Variants in STRN observed in about 807,000 individuals in gnomAD.
The protein encoded by STRN is striatin, also known as protein phosphatase 2 regulatory subunit B'''alpha.
In STRN, 53 loss-of-function variants were observed where a neutral mutation model predicts 96.3. The observed-to-expected ratio is 0.55, with a 90% confidence interval of 0.44 to 0.69. The LOEUF (loss-of-function observed/expected upper bound fraction) is 0.69, where lower values mean the gene tolerates loss of function less well. STRN is among the 30% of genes least tolerant of loss of function. The probability of loss-of-function intolerance (pLI) is 0.00; values close to 1 mark genes in which losing one functional copy is unlikely to be tolerated. For synonymous variants in STRN, 428 were observed against 355.9 expected (o/e 1.20, Z -2.28); for missense variants, 987 against 963.9 (o/e 1.02, Z -0.32).
intron 1 of STRN, among the ~76,000 whole-genome samples, chr2:36,960,694 A>C (rs1665008557): frequency 6.6e-6 from 1 of 152,220 alleles, no homozygotes. Context: ...CGTAAAATAC[A>C]ATAGTAAGTT....
Position 36,867,911 on chromosome 2 carries a change from T to A in STRN, c.1500-50A>T, listed in dbSNP as rs773425610. The A allele has an allele frequency of 5.1e-6, 7 of 1,373,014 alleles. No homozygotes were observed. In the Admixed American group the frequency reaches 9.1e-5, roughly 18 times the overall value. The allele number at this position is 1,373,014 out of a possible 1,614,324, so 85.1% of individuals were successfully genotyped here. A position where few individuals can be genotyped will look rare whatever the true frequency, so the allele number is the denominator to read the frequency against. ...CCATTCTAAGTGTCAGTAAACAGTA[T>A]AATTAAACATATGTCATAAAATTGT... On this transcript the variant is annotated intron_variant, in intron 11 of 17. Coordinates refer to ENST00000263918, the MANE Select transcript of STRN (RefSeq NM_003162.4).
chr2:36,869,913 G>C (rs887103580), intron 10 of STRN, among the ~76,000 whole-genome samples, 184 bp from the exon 11 acceptor site: 2 of 151,936 alleles, frequency 1.3e-5, no homozygotes, highest in Admixed American at 6.6e-5. Context: ...CCCAACACTA[G>C]TTTTCTTTGA....
intron 1 of STRN, among the ~76,000 whole-genome samples, chr2:36,965,445 T>A (rs1665135282): frequency 6.6e-6 from 1 of 152,238 alleles, no homozygotes; most frequent in South Asian, 2.1e-4. Flanking sequence ...CAAGGCAATG[T>A]AACTAACTTC....
Position 36,849,140 on chromosome 2 carries a change from C to A in STRN, c.*316G>T, listed in dbSNP as rs755440938. On this transcript the variant is annotated 3_prime_UTR_variant, in exon 18 of 18. Transcript: ENST00000263918. ...ATTGTAGCATGCCCTACTTACTCAA[C>A]AGGGACAAGCTAAACTTGTATTCGC... The A allele has an allele frequency of 1.1e-4, 30 of 263,092 alleles. No homozygotes were observed. The highest frequency in any genetic ancestry group is 1.8e-4 in the Non-Finnish European group (25 of 137,814). 16.3% of individuals were successfully genotyped at this position (263,092 alleles called of 1,614,324 possible).
intron 1 of STRN, among the ~76,000 whole-genome samples, chr2:36,956,467 C>G (rs1664889925): frequency 1.3e-5 from 2 of 152,114 alleles, no homozygotes; most frequent in African/African-American, 4.8e-5. Flanking sequence ...GTCAGATTGG[C>G]CACCGAGGCA....
chr2:36,888,612 A>G (rs1380668192), intron 7 of STRN, among the ~76,000 whole-genome samples: 1 of 148,600 alleles, frequency 6.7e-6, no homozygotes, highest in Non-Finnish European at 1.5e-5. Flanking sequence ...TATCATGGCC[A>G]CTATATTTCA....
rs980200351 is a variant in STRN at position 36,966,308 on chromosome 2, G to A, written c.156C>T (p.Ile52=). The A allele has an allele frequency of 7.0e-6, 11 of 1,570,068 alleles. No individual in the cohort carries two copies. In the African/African-American group the frequency reaches 1.3e-4, roughly 18 times the overall value. The change falls in exon 1 of 18, where the codon ATC becomes ATT. Residue 52 remains isoleucine, a synonymous_variant. Transcript: ENST00000263918. ...CCCACTCGTGCTGCAGGAAGTGCAG[G>A]ATCCCCGGGAGACTGTACTGGGCTC... ...AARAQYSLPG[I]LHFLQHEWAR...
intron 12 of STRN, among the ~76,000 whole-genome samples, chr2:36,862,312 G>C (rs1046099810): frequency 3.9e-5 from 6 of 152,040 alleles, no homozygotes; most frequent in African/African-American, 1.5e-4. Context: ...AAACTTCTTT[G>C]AGAAATCACC....
At chr2:36,951,852 T>C (rs371281835) in intron 1 of STRN, among the ~76,000 whole-genome samples, 203 of 152,264 alleles carry the variant, frequency 1.3e-3, no homozygotes, top group African/African-American at 4.7e-3. Context: ...CTGGGTGGCA[T>C]AGCAGGAGGT....
At chr2:36,954,347 C>T (rs987745084) in intron 1 of STRN, among the ~76,000 whole-genome samples, 5 of 151,714 alleles carry the variant, frequency 3.3e-5, no homozygotes, top group Non-Finnish European at 5.9e-5. Context: ...CCTGTCTCTA[C>T]TAAAAATACA....
chr2:36,961,114 AC>A (rs1171746614), intron 1 of STRN, among the ~76,000 whole-genome samples: 5 of 73,366 alleles, frequency 6.8e-5, no homozygotes, highest in Admixed American at 1.5e-4. Flanking sequence ...CCCAGGCTGC[AC>A]TTTTTTTTTT....
At chr2:36,941,462 G>C (rs1195311023) in intron 1 of STRN, among the ~76,000 whole-genome samples, 2 of 151,938 alleles carry the variant, frequency 1.3e-5, no homozygotes, top group African/African-American at 4.8e-5. Context: ...TTTATCATCT[G>C]AATTATTTCC....
At chr2:36,889,583 C>G (rs866922079) in intron 7 of STRN, among the ~76,000 whole-genome samples, 1 of 119,902 alleles carries the variant, frequency 8.3e-6, no homozygotes, top group Non-Finnish European at 1.6e-5. Context: ...CAGAATCTAA[C>G]CAGATTCTCA....
At chr2:36,903,638 G>A (rs909857185) in intron 4 of STRN, among the ~76,000 whole-genome samples, 1 of 152,156 alleles carries the variant, frequency 6.6e-6, no homozygotes, top group African/African-American at 2.4e-5. Flanking sequence ...AAAGGTTGAC[G>A]AGATAACCAG....
chr2:36,932,151 T>C (rs1261855424), intron 1 of STRN, among the ~76,000 whole-genome samples: 7 of 152,020 alleles, frequency 4.6e-5, no homozygotes, highest in African/African-American at 1.7e-4. Flanking sequence ...GTATTTATTC[T>C]ACAGCTAGTT....
chr2:36,849,979 T>C (rs138329197), intron 16 of STRN, among the ~76,000 whole-genome samples, 179 bp from the exon 17 acceptor site: 1 of 152,334 alleles, frequency 6.6e-6, no homozygotes, highest in East Asian at 1.9e-4. Flanking sequence ...GGCAATGATA[T>C]GGAAAACCAA....
intron 12 of STRN, among the ~76,000 whole-genome samples, chr2:36,862,094 A>C (rs1668502403): frequency 6.6e-6 from 1 of 152,222 alleles, no homozygotes. Context: ...TGCAAAGGAC[A>C]GGATCTCATT....
chr2:36,866,396 TGA>T (rs1373396710), intron 12 of STRN, among the ~76,000 whole-genome samples: 18 of 152,312 alleles, frequency 1.2e-4, no homozygotes, highest in Middle Eastern at 3.4e-3. Context: ...GTGTTTGGTC[TGA>T]GAGTGTGGTT....
At chr2:36,949,462 C>T (rs996763916) in intron 1 of STRN, among the ~76,000 whole-genome samples, 1 of 152,102 alleles carries the variant, frequency 6.6e-6, no homozygotes, top group African/African-American at 2.4e-5. Context: ...GGAGGCAATA[C>T]TATGTAAACT....
Sources: allele counts gnomAD v4.1 joint callset (sites outside exome capture counted in the v4.1 genomes callset), GRCh38; gene constraint gnomAD v4.1.1; transcripts MANE v1.5; gene names NCBI Gene and HGNC (gene_info 2026-07-23, HGNC 2026-07-21).